Variants in THOC7 observed in about 807,000 individuals in gnomAD.
THOC7 encodes the protein THO complex subunit 7.
THOC7 carries 22 observed loss-of-function variants against 33.1 expected under a neutral mutation model. The ratio of observed to expected loss-of-function variants is 0.66; its 90% CI spans 0.47 to 0.95. The LOEUF (loss-of-function observed/expected upper bound fraction) is 0.95, where lower values mean the gene tolerates loss of function less well. THOC7 is among the 40% of genes least tolerant of loss of function. The probability of loss-of-function intolerance (pLI) is 0.00; values close to 1 mark genes in which losing one functional copy is unlikely to be tolerated. For missense variants in THOC7, 184 were observed against 245.3 expected (o/e 0.75, Z 1.67); for synonymous variants, 77 against 76.8 (o/e 1.00, Z -0.01).
upstream of THOC7, chr3:63,863,912 C>A: frequency 9.9e-7 from 1 of 1,006,888 alleles, no homozygotes; most frequent in Non-Finnish European, 1.2e-6. Context: ...GCGGCGGCGC[C>A]CGCGGCCGCC....
intron 1 of THOC7, among the ~76,000 whole-genome samples, chr3:63,853,022 G>A (rs753420665): frequency 5.3e-5 from 8 of 152,034 alleles, no homozygotes; most frequent in African/African-American, 1.7e-4. Flanking sequence ...GTGGTGGCAC[G>A]CACCTGTAAT....
intron 1 of THOC7, chr3:63,854,462 C>T (rs1702075511): frequency 1.3e-5 from 2 of 152,180 alleles, no homozygotes; most frequent in Admixed American, 1.3e-4. Context: ...GGGCTTTGGT[C>T]TATCCTGTAA....
chr3:63,836,460 T>A, intron 4 of THOC7, 102 bp from the exon 5 acceptor site: 1 of 1,057,348 alleles, frequency 9.5e-7, no homozygotes, highest in Non-Finnish European at 1.4e-6. Flanking sequence ...ACTTTCCTAG[T>A]ACATCAAGAA....
At chr3:63,863,851 C>T, upstream of THOC7, 1 of 1,216,186 alleles carries the variant, frequency 8.2e-7, no homozygotes, top group Non-Finnish European at 1.0e-6. Context: ...TTGGCGGCGG[C>T]GGAGGTCAAA....
At chr3:63,863,213 T>G (rs1243555390) in intron 1 of THOC7, 2 of 154,260 alleles carry the variant, frequency 1.3e-5, no homozygotes, top group African/African-American at 4.8e-5. Context: ...CTTCCCAATA[T>G]GCCCCAGGAC....
chr3:63,855,411 T>C (rs1035634998), intron 1 of THOC7, among the ~76,000 whole-genome samples: 1 of 152,086 alleles, frequency 6.6e-6, no homozygotes, highest in African/African-American at 2.4e-5. Context: ...AGACACCAAA[T>C]AAGCCTCAAA....
chr3:63,863,638 G>C, intron 1 of THOC7, 134 bp downstream of exon 1: 1 of 1,209,172 alleles, frequency 8.3e-7, no homozygotes, highest in Non-Finnish European at 1.0e-6. Flanking sequence ...GGAGAGGTCG[G>C]GAAGGCCGAA....
intron 1 of THOC7, chr3:63,844,957 A>C: frequency 1.6e-6 from 1 of 614,800 alleles, no homozygotes. Context: ...AGTGTTGCCC[A>C]AGTCTAGAAT....
At chr3:63,852,434 T>C (rs1702037705) in intron 1 of THOC7, among the ~76,000 whole-genome samples, 1 of 152,216 alleles carries the variant, frequency 6.6e-6, no homozygotes, top group East Asian at 1.9e-4. Flanking sequence ...TTGAACCATA[T>C]GTACTCAAAA....
chr3:63,850,310 C>T (rs944081253), intron 1 of THOC7, among the ~76,000 whole-genome samples: 5 of 151,756 alleles, frequency 3.3e-5, no homozygotes, highest in African/African-American at 1.2e-4. Flanking sequence ...AAGCAATAAC[C>T]CTGTCTCAGC....
At chr3:63,837,061 G>A (rs928564149) in intron 4 of THOC7, among the ~76,000 whole-genome samples, 1 of 151,630 alleles carries the variant, frequency 6.6e-6, no homozygotes, top group African/African-American at 2.4e-5. Flanking sequence ...AAAAAAACTT[G>A]TAAAAAGAGG....
rs1701710325 is a variant in THOC7, at chr3:63,839,502, G to A, written c.137+154C>T. Among the ~76,000 whole-genome samples, 3 of 152,202 alleles carry A rather than the reference G, an allele frequency of 2.0e-5. No individual in the cohort carries two copies. The South Asian group carries it at 6.2e-4, about 32-fold the overall frequency. ...ACATATGAGAGGCCTTTGAAGAGAA[G>A]AAAAGGCCAAGAAAATCTACTCTTG... On this transcript the variant is annotated intron_variant, in intron 2 of 7. Transcript: ENST00000295899.
intron 1 of THOC7, among the ~76,000 whole-genome samples, chr3:63,847,258 G>GA (rs1271123255): frequency 6.6e-6 from 1 of 152,118 alleles, no homozygotes; most frequent in African/African-American, 2.4e-5. Flanking sequence ...AATTTTGGTT[G>GA]AAAAATAACC....
intron 1 of THOC7, among the ~76,000 whole-genome samples, chr3:63,849,834 T>A (rs1295232755): frequency 6.6e-6 from 1 of 152,228 alleles, no homozygotes; most frequent in Non-Finnish European, 1.5e-5. Context: ...TTTTCTCTAA[T>A]ATCTGGCTAA....
Position 63,838,350 on chromosome 3 carries a change from TAGAAACATTA to T in THOC7, c.265+12_265+21del, listed in dbSNP as rs752473394. 7.1e-7 allele frequency: 1 copy of T among 1,404,912 alleles called. No homozygotes were observed. The highest frequency in any genetic ancestry group is 1.3e-5 in the South Asian group (1 of 79,404). The allele number at this position is 1,404,912 out of a possible 1,614,324, so 87.0% of individuals were successfully genotyped here. ...AGACCATAAAAAATAAAATTACAGA[TAGAAACATTA>T]AGATTCTTTACCTATTTCCTTGTAA... On this transcript the variant is annotated intron_variant, in intron 3 of 7. Transcript: ENST00000295899.
chr3:63,840,266 G>T (rs1488819741), intron 1 of THOC7, among the ~76,000 whole-genome samples: 1 of 152,034 alleles, frequency 6.6e-6, no homozygotes, highest in Admixed American at 6.6e-5. Context: ...TTTAAAAGAT[G>T]TAGTGGCAAA....
intron 1 of THOC7, among the ~76,000 whole-genome samples, chr3:63,855,282 A>ATG (rs34988902): frequency 6.6e-6 from 1 of 151,606 alleles, no homozygotes; most frequent in Non-Finnish European, 1.5e-5. Flanking sequence ...CATACAAAAT[A>ATG]TCTTTCAAAA....
intron 1 of THOC7, among the ~76,000 whole-genome samples, chr3:63,843,178 G>T (rs1701804769): frequency 6.6e-6 from 1 of 152,016 alleles, no homozygotes; most frequent in Admixed American, 6.6e-5. Context: ...GAGTACAGTG[G>T]CATGATCTCG....
rs544215344 is a variant in THOC7 at position 63,842,873 on chromosome 3, C to G, written c.20-3100G>C. ...CTCGGCTCACTGCAACCTCCACCTA[C>G]TGGGTTCAAGCCAGCCTCCTACCTC... On this transcript the variant is annotated intron_variant, in intron 1 of 7. Transcript: ENST00000295899. Among the ~76,000 whole-genome samples the G allele has an allele frequency of 6.6e-5, 10 of 152,202 alleles. No individual in the cohort carries two copies. In the East Asian group the frequency reaches 1.5e-3, roughly 24 times the overall value.
Sources: gnomAD v4.1 joint callset for allele counts (sites outside exome capture counted in the v4.1 genomes callset) on GRCh38, gnomAD v4.1.1 for gene constraint, MANE v1.5 for transcripts, NCBI Gene and HGNC (gene_info 2026-07-23, HGNC 2026-07-21) for gene names.